The following LRRIQ1 variants were observed in gnomAD, a reference collection of about 807,000 sequenced individuals.
The protein encoded by LRRIQ1 is leucine-rich repeat- and IQ domain-containing protein 1.
A neutral mutation model predicts 211.9 loss-of-function variants in LRRIQ1; 210 were observed. The ratio of observed to expected loss-of-function variants is 0.99; its 90% CI spans 0.89 to 1.11. LRRIQ1 has a LOEUF of 1.11. Among genes scored for constraint, LRRIQ1 ranks in the 50% most tolerant of loss-of-function variants. The pLI is 0.00. For synonymous variants in LRRIQ1, 699 were observed against 650.1 expected (o/e 1.08, Z -1.14); for missense variants, 2,136 against 1,939.5 (o/e 1.10, Z -1.90).
In LRRIQ1 at chr12:85,122,555, T is replaced by TA. The variant is rs529228235; in HGVS notation, c.3557+680dup. ...AAAGATGATTTTGTATTGTTTCACT[T>TA]ACAATGACTCTTCATTGCAATTGGA... On this transcript the variant is annotated intron_variant, in intron 16 of 26. Coordinates refer to ENST00000393217, the MANE Select transcript of LRRIQ1 (RefSeq NM_001079910.2). Among the ~76,000 whole-genome samples the TA allele has an allele frequency of 3.5e-3, 526 of 152,266 alleles. 4 individuals carry two copies. The highest frequency in any genetic ancestry group is 0.012 in the African/African-American group (489 of 41,584).
At chr12:85,128,781 T>C (rs966837785) in intron 18 of LRRIQ1, among the ~76,000 whole-genome samples, 26 of 152,338 alleles carry the variant, frequency 1.7e-4, no homozygotes, top group African/African-American at 5.5e-4. Context: ...AAATAATTAA[T>C]AGACTTGACT....
At chr12:85,171,818 C>A (rs569200832) in intron 24 of LRRIQ1, among the ~76,000 whole-genome samples, 39 of 152,248 alleles carry the variant, frequency 2.6e-4, no homozygotes, top group African/African-American at 8.7e-4. Flanking sequence ...ATCTGCAAGC[C>A]AAGGAGAGAA....
chr12:85,081,864 G>C (rs1288555181), intron 11 of LRRIQ1, among the ~76,000 whole-genome samples: 1 of 151,290 alleles, frequency 6.6e-6, no homozygotes, highest in Non-Finnish European at 1.5e-5. Flanking sequence ...AGGACTATAG[G>C]TGTACACCAC....
At chr12:85,143,153 A>T (rs1317953573) in intron 19 of LRRIQ1, among the ~76,000 whole-genome samples, 1 of 151,594 alleles carries the variant, frequency 6.6e-6, no homozygotes, top group African/African-American at 2.4e-5. Context: ...AGCTATTTTA[A>T]CATGTGTGAG....
chr12:85,066,176 A>G (rs1420624040), intron 9 of LRRIQ1, among the ~76,000 whole-genome samples: 4 of 151,908 alleles, frequency 2.6e-5, no homozygotes, highest in Admixed American at 6.6e-5. Context: ...TCTTTCCCAC[A>G]TGCAAAATAC....
chr12:85,141,209 A>G (rs1382536543), intron 19 of LRRIQ1, among the ~76,000 whole-genome samples: 1 of 151,402 alleles, frequency 6.6e-6, no homozygotes, highest in Middle Eastern at 3.2e-3. Flanking sequence ...TCATGTGAAC[A>G]TAAAAGGAGT....
In LRRIQ1 at chr12:85,121,863, A is replaced by G. The variant is rs766184197; in HGVS notation, c.3544A>G (p.Ile1182Val). 35 of 1,604,146 alleles carry G rather than the reference A, an allele frequency of 2.2e-5. No homozygotes were observed. The highest frequency in any genetic ancestry group is 6.7e-5 in the African/African-American group (5 of 74,486). The change falls in exon 16 of 27, where the codon ATA (isoleucine) becomes GTA (valine). Residue 1182 changes from isoleucine (I) to valine (V), a missense_variant. Transcript: ENST00000393217. ...REFNLLIENYITGKGDVFTLD... is the reference protein window; with the variant it reads ...REFNLLIENYVTGKGDVFTLD... ...ATTCAACTTGCTAATTGAAAATTAT[A>G]TAACTGGAAAAGGGTAAGATTGTGA... is the stretch of plus-strand genomic sequence containing the variant.
At chr12:85,272,171 A>G in the LRRIQ1 span, among the ~76,000 whole-genome samples, 1 of 152,214 alleles carries the variant, frequency 6.6e-6, no homozygotes, top group Non-Finnish European at 1.5e-5. Context: ...ATATAGATCT[A>G]CTTTATTTCA....
At chr12:85,266,667 A>G (rs1896427711), downstream of LRRIQ1, among the ~76,000 whole-genome samples, 1 of 152,154 alleles carries the variant, frequency 6.6e-6, no homozygotes, top group Admixed American at 6.6e-5. Context: ...AAGGATCATG[A>G]GGCTTCATTA....
At chr12:85,190,361 CTA>C (rs896248279) in intron 24 of LRRIQ1, among the ~76,000 whole-genome samples, 3 of 144,374 alleles carry the variant, frequency 2.1e-5, no homozygotes, top group African/African-American at 7.5e-5. Flanking sequence ...TTAACTGTAA[CTA>C]TACAGTTAAT....
intron 11 of LRRIQ1, among the ~76,000 whole-genome samples, chr12:85,074,670 TC>T (rs1406496926): frequency 6.6e-6 from 1 of 151,984 alleles, no homozygotes; most frequent in Non-Finnish European, 1.5e-5. Context: ...AATAAGAAAA[TC>T]TTTCATGTTG....
At chr12:85,063,687 C>T (rs1219761358) in intron 8 of LRRIQ1, among the ~76,000 whole-genome samples, 1 of 151,350 alleles carries the variant, frequency 6.6e-6, no homozygotes, top group African/African-American at 2.4e-5. Context: ...TCCCTCAACC[C>T]CACCCCACTA....
exon 2 of LRRIQ1, chr12:85,263,130 C>T (rs894115818): frequency 3.3e-6 from 3 of 909,130 alleles, no homozygotes; most frequent in Non-Finnish European, 4.0e-6. Context: ...AGTCATGTTA[C>T]CAACTGGATA....
intron 23 of LRRIQ1, among the ~76,000 whole-genome samples, chr12:85,157,481 ATTTGTTTG>A (rs144030593): frequency 1.3e-5 from 2 of 151,708 alleles, no homozygotes; most frequent in African/African-American, 4.8e-5. Flanking sequence ...TCTGGGTTTT[ATTTGTTTG>A]TTTGTTTGTA....
At chr12:85,112,147 A>G (rs1486527214) in intron 15 of LRRIQ1, among the ~76,000 whole-genome samples, 1 of 152,042 alleles carries the variant, frequency 6.6e-6, no homozygotes, top group Non-Finnish European at 1.5e-5. Context: ...GAAAGATTAA[A>G]TAAATATTGT....
intron 1 of LRRIQ1, among the ~76,000 whole-genome samples, chr12:85,037,317 A>G (rs1335644247): frequency 6.6e-6 from 1 of 151,212 alleles, no homozygotes; most frequent in Non-Finnish European, 1.5e-5. Flanking sequence ...CCTCCACCAT[A>G]CTCTCCTGCC....
intron 11 of LRRIQ1, among the ~76,000 whole-genome samples, chr12:85,080,769 T>G (rs1884201205): frequency 6.6e-6 from 1 of 151,894 alleles, no homozygotes; most frequent in Admixed American, 6.6e-5. Context: ...CAAAGTTTTT[T>G]TATATTCTGT....
intron 11 of LRRIQ1, 21 bp downstream of exon 11, chr12:85,073,119 A>G (rs754452250): frequency 1.3e-6 from 2 of 1,545,186 alleles, no homozygotes; most frequent in East Asian, 4.6e-5. Context: ...TTTATTTTTT[A>G]TTTTGTTACT....
intron 18 of LRRIQ1, among the ~76,000 whole-genome samples, chr12:85,136,607 G>A (rs901161914): frequency 6.6e-6 from 1 of 151,694 alleles, no homozygotes; most frequent in African/African-American, 2.4e-5. Context: ...GGCTTCCTAG[G>A]CTGGCTGTTA....
Sources: allele counts gnomAD v4.1 joint callset (sites outside exome capture counted in the v4.1 genomes callset), GRCh38; gene constraint gnomAD v4.1.1; transcripts MANE v1.5; gene names NCBI Gene and HGNC (gene_info 2026-07-23, HGNC 2026-07-21).